The following PTPN4 variants were observed in gnomAD, a reference collection of about 807,000 sequenced individuals.
PTPN4 encodes the protein tyrosine-protein phosphatase non-receptor type 4.
PTPN4 carries 49 observed loss-of-function variants against 135.5 expected under a neutral mutation model. The ratio of observed to expected loss-of-function variants is 0.36; its 90% CI spans 0.29 to 0.46. The LOEUF (loss-of-function observed/expected upper bound fraction) is 0.46. PTPN4 is among the 20% of genes least tolerant of loss of function. The probability of loss-of-function intolerance (pLI) is 1.00; values close to 1 mark genes in which losing one functional copy is unlikely to be tolerated. For synonymous variants in PTPN4, 333 were observed against 369.9 expected (o/e 0.90, Z 1.14); for missense variants, 860 against 1,101.0 (o/e 0.78, Z 3.10).
At chr2:119,810,601 A>G (rs1691559429) in intron 2 of PTPN4, among the ~76,000 whole-genome samples, 1 of 152,180 alleles carries the variant, frequency 6.6e-6, no homozygotes, top group Non-Finnish European at 1.5e-5. Context: ...GTTGGTATAT[A>G]TTTGGATTTG....
Position 119,862,547 on chromosome 2 carries a change from G to A in PTPN4, c.150G>A (p.Gln50=). 1 of 1,608,210 alleles carries A rather than the reference G, an allele frequency of 6.2e-7. No individual in the cohort carries two copies. The highest frequency in any genetic ancestry group is 8.5e-7 in the Non-Finnish European group (1 of 1,177,460). Residue 50 remains glutamine, a synonymous_variant, in exon 3 of 27, where the codon CAG becomes CAA. Coordinates refer to ENST00000263708, the MANE Select transcript of PTPN4 (RefSeq NM_002830.4). ...VQAFKVNKHD[Q]GQVLLDVVFK... ...TTTTTTTTTTACAGAAACATGATCA[G>A]GGGCAAGTCTTGTTGGATGTCGTCT...
In PTPN4 at chr2:119,955,339, A is replaced by G. The variant is rs1679264933; in HGVS notation, c.1980+16A>G. On this transcript the variant is annotated intron_variant, in intron 20 of 26. Transcript: ENST00000263708. ...ACAGTTTGATGTAAGTAATATCATT[A>G]TATATTAAAAGCATTTTGCTGATAT... 6.5e-7 allele frequency: 1 copy of G among 1,538,918 alleles called. No homozygotes were observed. The highest frequency in any genetic ancestry group is 1.4e-5 in the African/African-American group (1 of 71,710).
At chr2:119,865,517 T>A (rs1677819685) in intron 3 of PTPN4, among the ~76,000 whole-genome samples, 2 of 152,088 alleles carry the variant, frequency 1.3e-5, no homozygotes, top group South Asian at 4.1e-4. Context: ...CAGATCTAAC[T>A]TCAAAGCCTG....
In PTPN4 at chr2:119,877,489, T is replaced by G. The variant is rs377613337; in HGVS notation, c.315T>G (p.Phe105Leu). Reference sequence around the variant, plus strand: ...GAGGATCTCCTTACAGTTTGAACTTTAGAGTCAAATTTTTTGTAAGTGACC... The same window carrying G: ...GAGGATCTCCTTACAGTTTGAACTTGAGAGTCAAATTTTTTGTAAGTGACC... ...LKRGSPYSLN[F>L]RVKFFVSDPN... The change falls in exon 5 of 27, where the codon TTT becomes TTG. Residue 105 changes from phenylalanine (F) to leucine (L), a missense_variant. Around this residue, in one of 2 missense-constraint regions of PTPN4, gnomAD observed 684 missense variants for 807.0 expected, o/e 0.85. Coordinates refer to ENST00000263708, the MANE Select transcript of PTPN4 (RefSeq NM_002830.4). The G allele has an allele frequency of 7.4e-6, 12 of 1,610,752 alleles. No individual in the cohort carries two copies. Among genetic ancestry groups the G allele is most frequent in the Non-Finnish European group, 1.0e-5 (12 of 1,178,882 alleles).
intron 1 of PTPN4, among the ~76,000 whole-genome samples, chr2:119,774,655 T>G (rs1395712857): frequency 6.6e-6 from 1 of 151,996 alleles, no homozygotes; most frequent in Non-Finnish European, 1.5e-5. Context: ...AGTTTTAGAG[T>G]TTGGCTTAAA....
chr2:119,885,964 T>C, intron 9 of PTPN4, 82 bp downstream of exon 9: 1 of 952,256 alleles, frequency 1.1e-6, no homozygotes, highest in Non-Finnish European at 1.5e-6. Flanking sequence ...AGATAACAAA[T>C]GGAATAAGTT....
Position 119,900,768 on chromosome 2 carries a change from G to A in PTPN4, c.726G>A (p.Leu242=). 1.3e-6 allele frequency: 2 copies of A among 1,588,264 alleles called. No individual in the cohort carries two copies. The highest frequency in any genetic ancestry group is 1.7e-6 in the Non-Finnish European group (2 of 1,166,758). ...IMIGVMSGGI[L]IYKNRVRMNT... ...TTGGAGTGATGTCAGGAGGAATTCT[G>A]ATTTATAAGAACAGGGTACGAATGA... is the stretch of plus-strand genomic sequence containing the variant. The change falls in exon 10 of 27, where the codon CTG becomes CTA. Residue 242 remains leucine (L), a synonymous_variant. Coordinates refer to ENST00000263708, the MANE Select transcript of PTPN4 (RefSeq NM_002830.4).
At chr2:119,800,805 GT>G (rs1023954649) in intron 1 of PTPN4, among the ~76,000 whole-genome samples, 2 of 151,932 alleles carry the variant, frequency 1.3e-5, no homozygotes, top group Non-Finnish European at 2.9e-5. Flanking sequence ...GTTCAGCACT[GT>G]TTGTTGAAAA....
At chr2:119,777,738 T>G (rs1392985452) in intron 1 of PTPN4, among the ~76,000 whole-genome samples, 4 of 152,172 alleles carry the variant, frequency 2.6e-5, no homozygotes, top group African/African-American at 9.7e-5. Context: ...CACTGCGGTC[T>G]CAACCTCCTA....
intron 23 of PTPN4, among the ~76,000 whole-genome samples, chr2:119,961,405 G>A (rs980961715): frequency 6.6e-6 from 1 of 152,080 alleles, no homozygotes; most frequent in East Asian, 1.9e-4. Flanking sequence ...AAAATAAAAA[G>A]GACGTATAAA....
At chr2:119,834,935 C>G (rs188140705) in intron 2 of PTPN4, among the ~76,000 whole-genome samples, 14 of 152,244 alleles carry the variant, frequency 9.2e-5, no homozygotes, top group Admixed American at 8.5e-4. Flanking sequence ...TTAGATATAA[C>G]TCTTACTTAG....
rs112371324 is a variant in PTPN4 at position 119,774,362 on chromosome 2, A to G, written c.-18+13978A>G. ...GAGAAATGAATCCAGGATAAAGACC[A>G]TTTTTTTGTTTTGTTTTTGTTTTGT... On this transcript the variant is annotated intron_variant, in intron 1 of 26. Transcript: ENST00000263708. Among the ~76,000 whole-genome samples the G allele has an allele frequency of 8.3e-3, 1,257 of 152,230 alleles. 16 individuals carry two copies. The highest frequency in any genetic ancestry group is 0.026 in the African/African-American group (1,064 of 41,538).
At chr2:119,774,448 A>G (rs1268984283) in intron 1 of PTPN4, among the ~76,000 whole-genome samples, 2 of 152,204 alleles carry the variant, frequency 1.3e-5, no homozygotes, top group Non-Finnish European at 2.9e-5. Flanking sequence ...AAAATCTTGC[A>G]CTTTTTGTGA....
chr2:119,824,935 G>T (rs914121966), intron 2 of PTPN4, among the ~76,000 whole-genome samples: 1 of 152,168 alleles, frequency 6.6e-6, no homozygotes, highest in Non-Finnish European at 1.5e-5. Flanking sequence ...TGGTCCGCCT[G>T]CCTTGGCCTC....
chr2:119,844,183 C>A (rs1677433988), intron 2 of PTPN4, among the ~76,000 whole-genome samples: 1 of 116,852 alleles, frequency 8.6e-6, no homozygotes, highest in Non-Finnish European at 1.8e-5. Context: ...CCGGACGGGG[C>A]GGCTGGCCGG....
intron 10 of PTPN4, 141 bp downstream of exon 10, chr2:119,900,947 TA>T (rs1451958186): frequency 4.4e-6 from 2 of 453,936 alleles, no homozygotes; most frequent in Admixed American, 8.5e-5. Flanking sequence ...CCCACTTAGT[TA>T]GCACCTACCA....
chr2:119,808,878 G>A (rs1403025686), intron 1 of PTPN4, among the ~76,000 whole-genome samples: 1 of 152,000 alleles, frequency 6.6e-6, no homozygotes, highest in Admixed American at 6.6e-5. Flanking sequence ...ATCAGCTCCA[G>A]GTATTATCAC....
intron 20 of PTPN4, 114 bp from the exon 21 acceptor site, chr2:119,956,730 C>A: frequency 6.6e-7 from 1 of 1,513,628 alleles, no homozygotes. Flanking sequence ...GTATAGATGA[C>A]CTATTCAAAG....
intron 1 of PTPN4, among the ~76,000 whole-genome samples, chr2:119,780,983 C>G (rs968748257): frequency 6.6e-6 from 1 of 152,154 alleles, no homozygotes; most frequent in Non-Finnish European, 1.5e-5. Flanking sequence ...TCCTCTCCCT[C>G]ACTTAAAAAC....
Sources: allele counts gnomAD v4.1 joint callset (sites outside exome capture counted in the v4.1 genomes callset), GRCh38; gene constraint gnomAD v4.1.1; regional missense constraint gnomAD v4.1.1; transcripts MANE v1.5; gene names NCBI Gene and HGNC (gene_info 2026-07-23, HGNC 2026-07-21).